CDC42SE2: variants seen among roughly 807,000 people sequenced by gnomAD.
CDC42SE2 encodes CDC42 small effector protein 2.
Under a neutral mutation model 11.5 loss-of-function variants are expected in CDC42SE2, and 3 were observed. The ratio of observed to expected loss-of-function variants is 0.26; its 90% CI spans 0.12 to 0.67. CDC42SE2 has a LOEUF of 0.67. Ranked by LOEUF, CDC42SE2 falls within the 30% of genes least tolerant of loss-of-function variation. The pLI, the probability that CDC42SE2 is intolerant of heterozygous loss-of-function variation, is 0.80. For missense variants in CDC42SE2, 82 were observed against 106.8 expected (o/e 0.77, Z 1.02); for synonymous variants, 33 against 34.8 (o/e 0.95, Z 0.18).
At chr5:131,368,199 G>A (rs1183524522) in intron 3 of CDC42SE2, among the ~76,000 whole-genome samples, 2 of 146,858 alleles carry the variant, frequency 1.4e-5, no homozygotes, top group African/African-American at 5.1e-5. Context: ...CTTGCAATGA[G>A]CCGAGATTGC....
intron 2 of CDC42SE2, among the ~76,000 whole-genome samples, chr5:131,328,002 C>T (rs1182269631): frequency 2.6e-5 from 4 of 152,094 alleles, no homozygotes; most frequent in African/African-American, 4.8e-5. Flanking sequence ...CAACATGTTG[C>T]TGTGGCAGAA....
At chr5:131,271,375 G>C (rs949212379) in intron 1 of CDC42SE2, among the ~76,000 whole-genome samples, 1 of 151,754 alleles carries the variant, frequency 6.6e-6, no homozygotes, top group African/African-American at 2.4e-5. Flanking sequence ...GCCAGCCAAG[G>C]ATAAAAAGTA....
chr5:131,258,610 C>T (rs1467407679), intron 2 of CDC42SE2, among the ~76,000 whole-genome samples: 1 of 152,042 alleles, frequency 6.6e-6, no homozygotes, highest in African/African-American at 2.4e-5. Flanking sequence ...ATTTACCTCT[C>T]TCCATCCTTC....
chr5:131,346,246 T>A (rs1758841239), intron 2 of CDC42SE2, among the ~76,000 whole-genome samples: 1 of 152,148 alleles, frequency 6.6e-6, no homozygotes, highest in Non-Finnish European at 1.5e-5. Context: ...GTGTGCTGTA[T>A]TCAGGAGACC....
At chr5:131,349,858 T>A (rs1379710912) in intron 2 of CDC42SE2, among the ~76,000 whole-genome samples, 2 of 152,184 alleles carry the variant, frequency 1.3e-5, no homozygotes, top group Admixed American at 1.3e-4. Context: ...AAATTTAATA[T>A]ACTATTATTC....
intron 2 of CDC42SE2, among the ~76,000 whole-genome samples, chr5:131,356,906 T>C (rs1749564727): frequency 6.6e-6 from 1 of 152,188 alleles, no homozygotes; most frequent in African/African-American, 2.4e-5. Context: ...AGACCCTATC[T>C]GAAAAAAAAT....
the CDC42SE2 span, among the ~76,000 whole-genome samples, chr5:131,214,545 T>C: frequency 6.6e-6 from 1 of 152,142 alleles, no homozygotes; most frequent in African/African-American, 2.4e-5. Flanking sequence ...AAAAATCTAC[T>C]ATTTTAGATA....
intron 2 of CDC42SE2, among the ~76,000 whole-genome samples, chr5:131,324,646 C>T (rs1276070793): frequency 6.6e-6 from 1 of 152,028 alleles, no homozygotes; most frequent in East Asian, 1.9e-4. Flanking sequence ...AAGACCAATA[C>T]TTTCTTTGGC....
chr5:131,221,133 G>A, the CDC42SE2 span, among the ~76,000 whole-genome samples: 20 of 151,974 alleles, frequency 1.3e-4, no homozygotes, highest in Admixed American at 3.3e-4. Flanking sequence ...CGAGCCACCC[G>A]CCTTGGCCTC....
At chr5:131,367,758 A>T (rs565555200) in intron 3 of CDC42SE2, among the ~76,000 whole-genome samples, 1 of 152,098 alleles carries the variant, frequency 6.6e-6, no homozygotes, top group Non-Finnish European at 1.5e-5. Flanking sequence ...TTAACAAAGT[A>T]CCTTTTTTGG....
At chr5:131,313,322 G>C (rs892486235) in intron 1 of CDC42SE2, among the ~76,000 whole-genome samples, 1 of 152,026 alleles carries the variant, frequency 6.6e-6, no homozygotes, top group African/African-American at 2.4e-5. Flanking sequence ...TTTTATTTCT[G>C]AGGCTTATCT....
chr5:131,287,317 G>T (rs1458668358), intron 1 of CDC42SE2, among the ~76,000 whole-genome samples: 1 of 152,080 alleles, frequency 6.6e-6, no homozygotes, highest in Non-Finnish European at 1.5e-5. Flanking sequence ...TATTTTAAAG[G>T]TGGTAAGGTT....
intron 1 of CDC42SE2, among the ~76,000 whole-genome samples, chr5:131,303,999 G>A (rs929847723): frequency 1.3e-5 from 2 of 149,350 alleles, no homozygotes; most frequent in Admixed American, 6.7e-5. Flanking sequence ...TTGCTCTCTT[G>A]CCCAGGCTGG....
intron 1 of CDC42SE2, among the ~76,000 whole-genome samples, chr5:131,247,561 G>A (rs1047090384): frequency 1.3e-5 from 2 of 152,028 alleles, no homozygotes; most frequent in Non-Finnish European, 2.9e-5. Flanking sequence ...GGAAGCTGCA[G>A]TGAGCTGAGA....
intron 2 of CDC42SE2, among the ~76,000 whole-genome samples, chr5:131,257,189 T>C (rs1242478623): frequency 6.6e-6 from 1 of 152,050 alleles, no homozygotes; most frequent in African/African-American, 2.4e-5. Flanking sequence ...TAGATGGGTG[T>C]GAAGAATCCT....
At chr5:131,220,207 T>TTTTG in the CDC42SE2 span, among the ~76,000 whole-genome samples, 3 of 152,054 alleles carry the variant, frequency 2.0e-5, no homozygotes, top group South Asian at 4.1e-4. Context: ...TATCTCAGAT[T>TTTTG]TTTGTTTGTT....
At chr5:131,293,287 C>T (rs1757500347) in intron 1 of CDC42SE2, among the ~76,000 whole-genome samples, 1 of 152,138 alleles carries the variant, frequency 6.6e-6, no homozygotes, top group Non-Finnish European at 1.5e-5. Context: ...AAAGTGGGCC[C>T]TCAGCCGGGC....
chr5:131,302,050 A>G (rs987528596), intron 1 of CDC42SE2, among the ~76,000 whole-genome samples: 1 of 152,044 alleles, frequency 6.6e-6, no homozygotes. Context: ...TCTCTTGCCC[A>G]GACTGCAATG....
the CDC42SE2 span, among the ~76,000 whole-genome samples, chr5:131,211,118 T>C: frequency 8.9e-4 from 136 of 152,328 alleles, no homozygotes; most frequent in African/African-American, 3.0e-3. Flanking sequence ...ATTACAGATG[T>C]GAGCCACCGC....
Sources: gnomAD v4.1 joint callset for allele counts (sites outside exome capture counted in the v4.1 genomes callset) on GRCh38, gnomAD v4.1.1 for gene constraint, MANE v1.5 for transcripts, NCBI Gene and HGNC (gene_info 2026-07-23, HGNC 2026-07-21) for gene names.